Variants in HS6ST3 observed in about 807,000 individuals in gnomAD.
HS6ST3 encodes the protein heparan-sulfate 6-O-sulfotransferase 3.
HS6ST3 carries 12 observed loss-of-function variants against 36.7 expected under a neutral mutation model. The ratio of observed to expected loss-of-function variants is 0.33; its 90% confidence interval spans 0.21 to 0.53. The LOEUF is 0.53. Among genes scored for constraint, HS6ST3 ranks in the 20% least tolerant of loss-of-function variants. The probability of loss-of-function intolerance (pLI) is 0.95; values close to 1 mark genes in which losing one functional copy is unlikely to be tolerated. For missense variants in HS6ST3, 584 were observed against 640.9 expected (o/e 0.91, Z 0.96); for synonymous variants, 240 against 257.5 (o/e 0.93, Z 0.65).
At chr13:96,313,698 T>C (rs1451560312) in intron 1 of HS6ST3, among the ~76,000 whole-genome samples, 4 of 152,194 alleles carry the variant, frequency 2.6e-5, no homozygotes, top group African/African-American at 4.8e-5. Flanking sequence ...TGAATTCCTA[T>C]TATCTTCTTA....
intron 1 of HS6ST3, among the ~76,000 whole-genome samples, chr13:96,681,588 T>A (rs1260243706): frequency 6.6e-6 from 1 of 152,200 alleles, no homozygotes; most frequent in East Asian, 1.9e-4. Context: ...GAAATAATTT[T>A]AAAATGTATT....
At chr13:96,403,470 G>C (rs2055461899) in intron 1 of HS6ST3, among the ~76,000 whole-genome samples, 1 of 152,138 alleles carries the variant, frequency 6.6e-6, no homozygotes, top group Non-Finnish European at 1.5e-5. Flanking sequence ...ATCATCATTT[G>C]CAGATGCTGC....
chr13:96,195,302 G>A (rs2054306895), intron 1 of HS6ST3, among the ~76,000 whole-genome samples: 1 of 152,170 alleles, frequency 6.6e-6, no homozygotes. Context: ...GAATAACAGA[G>A]AAAATCTTTA....
chr13:96,439,290 A>G (rs2055658395), intron 1 of HS6ST3, among the ~76,000 whole-genome samples: 1 of 152,232 alleles, frequency 6.6e-6, no homozygotes. Flanking sequence ...AGATCCATCC[A>G]GATGATATGT....
intron 1 of HS6ST3, among the ~76,000 whole-genome samples, chr13:96,741,270 C>G (rs891624635): frequency 6.6e-6 from 1 of 152,144 alleles, no homozygotes; most frequent in East Asian, 1.9e-4. Flanking sequence ...TTTTACCTAG[C>G]CTAATCTATT....
chr13:96,726,699 T>C (rs999383885), intron 1 of HS6ST3, among the ~76,000 whole-genome samples: 1 of 152,242 alleles, frequency 6.6e-6, no homozygotes, highest in African/African-American at 2.4e-5. Context: ...TATTGCCCTC[T>C]ACTATAATTT....
intron 1 of HS6ST3, among the ~76,000 whole-genome samples, chr13:96,390,272 A>G (rs2055389132): frequency 6.6e-6 from 1 of 152,222 alleles, no homozygotes; most frequent in African/African-American, 2.4e-5. Context: ...AAGATATTAG[A>G]TTGCTAAATG....
intron 1 of HS6ST3, among the ~76,000 whole-genome samples, chr13:96,338,938 G>A (rs1164931340): frequency 6.6e-6 from 1 of 152,120 alleles, no homozygotes; most frequent in Non-Finnish European, 1.5e-5. Flanking sequence ...GTAGGAAGTG[G>A]TGCTTTCTTT....
At chr13:96,287,975 A>G (rs2054811678) in intron 1 of HS6ST3, among the ~76,000 whole-genome samples, 1 of 152,174 alleles carries the variant, frequency 6.6e-6, no homozygotes, top group South Asian at 2.1e-4. Flanking sequence ...AGCAAGTTTG[A>G]AGCTTTGTAT....
intron 1 of HS6ST3, among the ~76,000 whole-genome samples, chr13:96,753,912 T>C: frequency 6.6e-6 from 1 of 152,060 alleles, no homozygotes; most frequent in Non-Finnish European, 1.5e-5. Context: ...CTGCGCCTCC[T>C]GGGTTCAAGC....
intron 1 of HS6ST3, among the ~76,000 whole-genome samples, chr13:96,188,732 A>G (rs1956485846): frequency 6.6e-6 from 1 of 152,112 alleles, no homozygotes; most frequent in South Asian, 2.1e-4. Context: ...TTTGTTTGTC[A>G]TTATAGTTAT....
chr13:96,521,792 C>G (rs1566385659), intron 1 of HS6ST3, among the ~76,000 whole-genome samples: 9 of 151,978 alleles, frequency 5.9e-5, no homozygotes, highest in Admixed American at 5.2e-4. Context: ...TTGATCTTTT[C>G]AAAAAACCAT....
chr13:96,278,497 T>C (rs1031146715), intron 1 of HS6ST3, among the ~76,000 whole-genome samples: 1 of 152,310 alleles, frequency 6.6e-6, no homozygotes, highest in Admixed American at 6.5e-5. Flanking sequence ...AGCCAAGAGC[T>C]AATTTGAAGT....
chr13:96,274,876 C>T (rs2054740442), intron 1 of HS6ST3, among the ~76,000 whole-genome samples: 1 of 151,290 alleles, frequency 6.6e-6, no homozygotes, highest in East Asian at 1.9e-4. Flanking sequence ...CACACACACA[C>T]ACACACACAC....
At chr13:96,149,076 G>A (rs962728813) in intron 1 of HS6ST3, among the ~76,000 whole-genome samples, 9 of 152,098 alleles carry the variant, frequency 5.9e-5, no homozygotes, top group South Asian at 2.1e-4. Context: ...AAATGGAATA[G>A]GAAACAATGT....
chr13:96,395,527 C>T (rs1476571576), intron 1 of HS6ST3, among the ~76,000 whole-genome samples: 1 of 152,168 alleles, frequency 6.6e-6, no homozygotes, highest in African/African-American at 2.4e-5. Context: ...ATGTGAAACG[C>T]CTACCAGCAC....
At chr13:96,583,199 C>CTTTTTTTTTTT (rs1210357260) in intron 1 of HS6ST3, among the ~76,000 whole-genome samples, 1 of 33,948 alleles carries the variant, frequency 2.9e-5, no homozygotes, top group African/African-American at 1.1e-4. Context: ...ATTTCTTTTT[C>CTTTTTTTTTTT]TTTTCTTTTT....
At chr13:96,682,150 G>A (rs1406035466) in intron 1 of HS6ST3, among the ~76,000 whole-genome samples, 1 of 151,982 alleles carries the variant, frequency 6.6e-6, no homozygotes, top group East Asian at 1.9e-4. Flanking sequence ...TAGTACTCAG[G>A]TCTCAGTCTG....
At chr13:96,251,704 T>G (rs1175097837) in intron 1 of HS6ST3, among the ~76,000 whole-genome samples, 1 of 152,178 alleles carries the variant, frequency 6.6e-6, no homozygotes, top group Non-Finnish European at 1.5e-5. Flanking sequence ...CTAAATTTCC[T>G]TGTTAGAATG....
Sources: allele counts gnomAD v4.1 joint callset (sites outside exome capture counted in the v4.1 genomes callset), GRCh38; gene constraint gnomAD v4.1.1; transcripts MANE v1.5; gene names NCBI Gene and HGNC (gene_info 2026-07-23, HGNC 2026-07-21).